TMEM25: variants seen among roughly 807,000 people sequenced by gnomAD.
TMEM25 encodes transmembrane protein 25.
In TMEM25, 36 loss-of-function variants were observed where a neutral mutation model predicts 37.0. The observed-to-expected ratio is 0.97, with a 90% confidence interval of 0.75 to 1.28. The LOEUF is 1.28. TMEM25 is among the 50% of genes most tolerant of loss of function. TMEM25 has a pLI of 0.00. For missense variants in TMEM25, 444 were observed against 477.9 expected (o/e 0.93, Z 0.66); for synonymous variants, 197 against 203.7 (o/e 0.97, Z 0.28).
At chr11:118,539,192 G>A (rs1466983833), downstream of TMEM25, among the ~76,000 whole-genome samples, 3 of 116,092 alleles carry the variant, frequency 2.6e-5, no homozygotes, top group African/African-American at 1.0e-4. Context: ...TTTTTGAGAC[G>A]GAGTCTCGCT....
rs1555062865 is a variant in TMEM25 at position 118,535,517 on chromosome 11, TCCA to T, written c.*942_*944del. The T allele has an allele frequency of 1.3e-6, 2 of 1,533,644 alleles. No homozygotes were observed. The highest frequency in any genetic ancestry group is 3.9e-5 in the Admixed American group (2 of 50,808). ...ATGGTTTTTCTCTCAGCATGTCTCC[TCCA>T]CCACGGGACCCCAGCCCTGACCAAC... On this transcript the variant is annotated 3_prime_UTR_variant, in exon 9 of 9. Transcript: ENST00000313236.
intron 1 of TMEM25, 168 bp downstream of exon 1, chr11:118,531,402 GGAGA>G (rs1254950337): frequency 5.2e-6 from 2 of 385,096 alleles, no homozygotes; most frequent in Non-Finnish European, 9.6e-6. Flanking sequence ...GAACAGGGCA[GGAGA>G]GAGAATAGGA....
At chr11:118,545,591 G>A (rs1344939812) in intron 8 of TMEM25, 10 of 1,160,486 alleles carry the variant, frequency 8.6e-6, no homozygotes, top group African/African-American at 1.5e-5. Flanking sequence ...CAGATGGGGT[G>A]TCGCTATGAC....
chr11:118,532,649 T>C (rs1951342853), intron 3 of TMEM25, 188 bp downstream of exon 3: 11 of 829,826 alleles, frequency 1.3e-5, no homozygotes. Context: ...ATAAGAAAAC[T>C]GAGGCAGAAA....
Position 118,534,927 on chromosome 11 carries a change from C to A in TMEM25, c.*347C>A. 1.7e-6 allele frequency: 2 copies of A among 1,175,932 alleles called. No individual in the cohort carries two copies. The highest frequency in any genetic ancestry group is 2.1e-6 in the Non-Finnish European group (2 of 942,494). 72.8% of individuals were successfully genotyped at this position (1,175,932 alleles called of 1,614,324 possible). A position where few individuals can be genotyped will look rare whatever the true frequency, so the allele number is the denominator to read the frequency against. On this transcript the variant is annotated 3_prime_UTR_variant, in exon 9 of 9. Coordinates refer to ENST00000313236, the MANE Select transcript of TMEM25 (RefSeq NM_032780.4). This position sits in a 1 kb window ranked among gnomAD's most constrained non-coding sequence, Gnocchi z 4.6. ...CAAGTGTGGCATGGCCTGCTGTATA[C>A]CCCACCCCAGTACTCCACAGCACCT...
intron 8 of TMEM25, among the ~76,000 whole-genome samples, chr11:118,540,898 T>C (rs1254374278): frequency 1.3e-5 from 2 of 151,884 alleles, no homozygotes; most frequent in East Asian, 3.9e-4. Flanking sequence ...ATGTCCAGAG[T>C]AGGCAAATCT....
intron 2 of TMEM25, 117 bp from the exon 3 acceptor site, chr11:118,532,033 G>T: frequency 7.3e-7 from 1 of 1,366,490 alleles, no homozygotes; most frequent in South Asian, 1.5e-5. Flanking sequence ...TCCCTGGTGA[G>T]AGGACTCAGG....
At chr11:118,546,473 G>GA (rs1951689274) in exon 9 of TMEM25, 4 of 300,302 alleles carry the variant, frequency 1.3e-5, no homozygotes, top group Admixed American at 4.4e-5. Context: ...CCTGGGCATA[G>GA]AGTAATACCC....
rs936857118 is a variant in TMEM25, at chr11:118,532,532, G to A, written c.382+71G>A. On this transcript the variant is annotated intron_variant, in intron 3 of 8. Transcript: ENST00000313236. ...GACCCCCAGCACCCACCAGGCAGGT[G>A]GTCCGCAGGACATTTAGCAGACACT... The A allele has an allele frequency of 5.3e-6, 8 of 1,513,116 alleles. No individual in the cohort carries two copies. The East Asian group carries it at 1.8e-4, about 35-fold the overall frequency. 93.7% of individuals were successfully genotyped at this position (1,513,116 alleles called of 1,614,324 possible).
chr11:118,544,762 C>T (rs1951634680), intron 8 of TMEM25: 1 of 622,988 alleles, frequency 1.6e-6, no homozygotes. Context: ...CAAACATGTT[C>T]TGTGCCCTCT....
chr11:118,539,456 G>A (rs189991923), downstream of TMEM25, among the ~76,000 whole-genome samples: 11 of 152,178 alleles, frequency 7.2e-5, no homozygotes, highest in African/African-American at 2.2e-4. Flanking sequence ...ATGAGCCACC[G>A]CGCCTGGCCA....
chr11:118,532,576 G>A, intron 3 of TMEM25, 115 bp downstream of exon 3: 1 of 1,179,556 alleles, frequency 8.5e-7, no homozygotes, highest in Non-Finnish European at 1.2e-6. Context: ...TTGCAAATAT[G>A]AACTCATTTG....
chr11:118,539,281 C>T (rs1347993442), downstream of TMEM25, among the ~76,000 whole-genome samples: 3 of 150,160 alleles, frequency 2.0e-5, no homozygotes, highest in Non-Finnish European at 4.4e-5. Flanking sequence ...GATTCTCCTG[C>T]CTCAACCTCC....
At chr11:118,547,175 T>G (rs1400606604), downstream of TMEM25, 1 of 152,230 alleles carries the variant, frequency 6.6e-6, no homozygotes, top group African/African-American at 2.4e-5. Flanking sequence ...TGTTTCCAAA[T>G]TCTGTGTGTT....
chr11:118,544,871 G>T, intron 8 of TMEM25: 2 of 1,367,314 alleles, frequency 1.5e-6, no homozygotes, highest in Non-Finnish European at 2.1e-6. Flanking sequence ...CTCAGCTGGG[G>T]CAGAGGGGCC....
At position 118,535,157 on chromosome 11, in the gene TMEM25, C is replaced by A; in HGVS notation, c.*577C>A. The A allele has an allele frequency of 9.6e-7, 1 of 1,040,356 alleles. No individual in the cohort carries two copies. Among genetic ancestry groups the A allele is most frequent in the Non-Finnish European group, 1.2e-6 (1 of 865,778 alleles). 64.4% of individuals were successfully genotyped at this position (1,040,356 alleles called of 1,614,324 possible). A position where few individuals can be genotyped will look rare whatever the true frequency, so the allele number is the denominator to read the frequency against. On this transcript the variant is annotated 3_prime_UTR_variant, in exon 9 of 9. Transcript: ENST00000313236. ...GCACAAACGTCCTTTTTGCTGCACA[C>A]GTCTCTGCCCTTCACTTCTTCTCTT...
rs781979014 is a variant in TMEM25 at position 118,533,857 on chromosome 11, G to A, written c.806G>A (p.Gly269Asp). 6 of 1,614,020 alleles carry A rather than the reference G, an allele frequency of 3.7e-6. No individual in the cohort carries two copies. In the East Asian group the frequency reaches 1.1e-4, roughly 30 times the overall value. Residue 269 changes from glycine to aspartate, a missense_variant and splice_region_variant, in exon 6 of 9, where the codon GGC (glycine) becomes GAC (aspartate). Transcript: ENST00000313236. Reference sequence around the variant, plus strand: ...AGGGACATGGTTTCTTTCTCCACAGGCCCCTCCCGGCACCCATCTCTGATA... The same window carrying A: ...AGGGACATGGTTTCTTTCTCCACAGACCCCTCCCGGCACCCATCTCTGATA... Reference protein sequence around the residue: ...LVCRKEKKTKGPSRHPSLISS... With the variant: ...LVCRKEKKTKDPSRHPSLISS...
In TMEM25 at chr11:118,535,274, A is replaced by G. The variant is rs3741325; in HGVS notation, c.*694A>G. On this transcript the variant is annotated 3_prime_UTR_variant, in exon 9 of 9. Coordinates refer to ENST00000313236, the MANE Select transcript of TMEM25 (RefSeq NM_032780.4). ...CTAGACTTTTCTATTGGCCTGTGCC[A>G]TCGCCCAGTATTAGCACAAGTTAGG... is the stretch of plus-strand genomic sequence containing the variant. The G allele has an allele frequency of 0.13, 167,384 of 1,240,070 alleles. 14,267 individuals carry two copies. Among genetic ancestry groups the G allele is most frequent in the East Asian group, 0.44 (12,538 of 28,176 alleles). 76.8% of individuals were successfully genotyped at this position (1,240,070 alleles called of 1,614,324 possible).
downstream of TMEM25, chr11:118,547,279 T>C (rs781934950): frequency 3.3e-5 from 5 of 152,190 alleles, no homozygotes; most frequent in Non-Finnish European, 7.3e-5. Flanking sequence ...GTCTATGGTA[T>C]GTTAGAAGAT....
Sources: allele counts gnomAD v4.1 joint callset (sites outside exome capture counted in the v4.1 genomes callset), GRCh38; gene constraint gnomAD v4.1.1; non-coding constraint Gnocchi (gnomAD v3.1); transcripts MANE v1.5; gene names NCBI Gene and HGNC (gene_info 2026-07-23, HGNC 2026-07-21).